SYT1: variants seen among roughly 807,000 people sequenced by gnomAD.
The protein encoded by SYT1 is synaptotagmin 1.
SYT1 carries 8 observed loss-of-function variants against 44.8 expected under a neutral mutation model. The ratio of observed to expected loss-of-function variants is 0.18; its 90% CI spans 0.10 to 0.32. SYT1 has a LOEUF of 0.32. Ranked by LOEUF, SYT1 falls within the 10% of genes least tolerant of loss-of-function variation. SYT1 has a pLI of 1.00. For missense variants in SYT1, 286 were observed against 509.3 expected (o/e 0.56, Z 4.22); for synonymous variants, 154 against 188.8 (o/e 0.82, Z 1.51).
intron 3 of SYT1, among the ~76,000 whole-genome samples, chr12:79,058,657 G>A (rs1008200745): frequency 2.6e-5 from 4 of 151,862 alleles, no homozygotes; most frequent in Admixed American, 6.6e-5. Flanking sequence ...CTCACTTCCC[G>A]ACCCCCACAC....
At chr12:78,916,363 A>G (rs571228908) in intron 1 of SYT1, among the ~76,000 whole-genome samples, 1 of 152,196 alleles carries the variant, frequency 6.6e-6, no homozygotes, top group African/African-American at 2.4e-5. Flanking sequence ...ATAATTGTGA[A>G]TGTATCATTC....
chr12:78,910,718 A>C (rs1335979671), intron 1 of SYT1, among the ~76,000 whole-genome samples: 1 of 152,024 alleles, frequency 6.6e-6, no homozygotes, highest in East Asian at 1.9e-4. Flanking sequence ...GAAAAATTCT[A>C]CAGAAGAGGG....
chr12:79,193,466 A>G (rs950002444), intron 3 of SYT1, among the ~76,000 whole-genome samples: 2 of 152,190 alleles, frequency 1.3e-5, no homozygotes, highest in Non-Finnish European at 2.9e-5. Flanking sequence ...CAATATGGTG[A>G]GTTAATTAAT....
intron 9 of SYT1, among the ~76,000 whole-genome samples, chr12:79,406,210 G>C (rs2136124016): frequency 6.6e-6 from 1 of 152,188 alleles, no homozygotes; most frequent in Non-Finnish European, 1.5e-5. Flanking sequence ...ATGGACAGGT[G>C]GTCAGATACT....
intron 3 of SYT1, among the ~76,000 whole-genome samples, chr12:79,200,253 G>A (rs1174277261): frequency 6.6e-6 from 1 of 152,138 alleles, no homozygotes; most frequent in East Asian, 1.9e-4. Context: ...ACCCAGAAGT[G>A]CTTGGAAGAA....
At chr12:79,007,132 A>G (rs1271902793) in intron 2 of SYT1, among the ~76,000 whole-genome samples, 1 of 152,160 alleles carries the variant, frequency 6.6e-6, no homozygotes, top group Non-Finnish European at 1.5e-5. Flanking sequence ...ACAGCCAGCC[A>G]GGAGAAACTG....
chr12:79,066,612 C>G (rs187603907), intron 3 of SYT1, among the ~76,000 whole-genome samples: 1 of 151,944 alleles, frequency 6.6e-6, no homozygotes, highest in Admixed American at 6.6e-5. Flanking sequence ...GTGAATTATA[C>G]TTAATCTAAT....
intron 3 of SYT1, among the ~76,000 whole-genome samples, chr12:79,156,248 G>A (rs1870584044): frequency 6.6e-6 from 1 of 152,184 alleles, no homozygotes; most frequent in African/African-American, 2.4e-5. Context: ...CCCACCATCA[G>A]TGAGCGAGGC....
intron 2 of SYT1, among the ~76,000 whole-genome samples, chr12:79,030,287 T>G (rs1405963246): frequency 2.6e-5 from 4 of 150,966 alleles, no homozygotes; most frequent in Non-Finnish European, 5.9e-5. Context: ...ATGTCTACAA[T>G]ATGGTCCAAT....
intron 4 of SYT1, among the ~76,000 whole-genome samples, chr12:79,285,384 T>G (rs1480497991): frequency 2.0e-5 from 3 of 152,252 alleles, no homozygotes; most frequent in African/African-American, 7.2e-5. Flanking sequence ...ATTTCCACTT[T>G]AGAGATGAGG....
intron 2 of SYT1, among the ~76,000 whole-genome samples, chr12:78,995,006 A>G (rs1316228076): frequency 2.0e-5 from 3 of 152,094 alleles, no homozygotes. Flanking sequence ...AGGGAAATTC[A>G]TGGAAGCCAG....
Position 78,929,813 on chromosome 12 carries a change from G to C in SYT1, c.-216-47986G>C, listed in dbSNP as rs559044967. On this transcript the variant is annotated intron_variant, in intron 1 of 10. Coordinates refer to ENST00000261205, the MANE Select transcript of SYT1 (RefSeq NM_005639.3). Reference sequence around the variant, plus strand: ...ATGTAAGCTGCAAATAGCAAGATACGTCTTCTGGTTTTGTATGTATGATTT... The same window carrying C: ...ATGTAAGCTGCAAATAGCAAGATACCTCTTCTGGTTTTGTATGTATGATTT... Among the ~76,000 whole-genome samples, 275 of 152,246 alleles carry C rather than the reference G, an allele frequency of 1.8e-3. 1 individual carries two copies. Among genetic ancestry groups the C allele is most frequent in the African/African-American group, 5.4e-3 (226 of 41,536 alleles).
chr12:78,914,479 A>ATAAG (rs10664397), intron 1 of SYT1, among the ~76,000 whole-genome samples: 2 of 151,346 alleles, frequency 1.3e-5, no homozygotes, highest in Non-Finnish European at 3.0e-5. Context: ...GCAACAAATT[A>ATAAG]TAATTTGTTT....
At chr12:79,090,130 G>T (rs1420424538) in intron 3 of SYT1, among the ~76,000 whole-genome samples, 1 of 151,938 alleles carries the variant, frequency 6.6e-6, no homozygotes, top group Non-Finnish European at 1.5e-5. Flanking sequence ...CTTGCTTTTA[G>T]TCAGTAATAT....
At chr12:79,344,654 A>G (rs1882527482) in intron 8 of SYT1, among the ~76,000 whole-genome samples, 1 of 151,918 alleles carries the variant, frequency 6.6e-6, no homozygotes, top group Non-Finnish European at 1.5e-5. Flanking sequence ...ACAGGATTTC[A>G]CCAAGTTGCC....
chr12:79,292,530 T>G (rs1187847233), intron 6 of SYT1, among the ~76,000 whole-genome samples: 1 of 152,206 alleles, frequency 6.6e-6, no homozygotes, highest in Admixed American at 6.5e-5. Flanking sequence ...TGGGCCGCTA[T>G]TCTAGCCAAA....
intron 3 of SYT1, among the ~76,000 whole-genome samples, chr12:79,052,520 C>A (rs1339173637): frequency 2.0e-5 from 3 of 152,124 alleles, no homozygotes; most frequent in Non-Finnish European, 4.4e-5. Flanking sequence ...TCTAATTAAA[C>A]TAAAGAGCTT....
intron 1 of SYT1, among the ~76,000 whole-genome samples, chr12:78,945,666 G>A (rs769822239): frequency 4.2e-4 from 64 of 151,948 alleles, no homozygotes; most frequent in South Asian, 4.1e-4. Flanking sequence ...TCAAATTAGG[G>A]TTATGCTTCT....
intron 3 of SYT1, among the ~76,000 whole-genome samples, chr12:79,127,316 G>A (rs1195700670): frequency 6.6e-6 from 1 of 152,216 alleles, no homozygotes; most frequent in Admixed American, 6.5e-5. Context: ...TCTGGCAAAT[G>A]CCTGACTGGC....
Sources: allele counts gnomAD v4.1 joint callset (sites outside exome capture counted in the v4.1 genomes callset), GRCh38; gene constraint gnomAD v4.1.1; transcripts MANE v1.5; gene names NCBI Gene and HGNC (gene_info 2026-07-23, HGNC 2026-07-21).